The following CSNK2A2 variants were observed in gnomAD, a reference collection of about 807,000 sequenced individuals.
CSNK2A2 encodes casein kinase II subunit alpha'.
In CSNK2A2, 8 loss-of-function variants were observed where a neutral mutation model predicts 54.0. The ratio of observed to expected loss-of-function variants is 0.15; its 90% CI spans 0.09 to 0.27. The LOEUF is 0.27. Among genes scored for constraint, CSNK2A2 ranks in the 10% least tolerant of loss-of-function variants. The pLI is 1.00. For synonymous variants in CSNK2A2, 141 were observed against 153.9 expected (o/e 0.92, Z 0.62); for missense variants, 242 against 439.4 (o/e 0.55, Z 4.02).
At chr16:58,163,855 C>A in intron 11 of CSNK2A2, 199 bp downstream of exon 11, 1 of 468,128 alleles carries the variant, frequency 2.1e-6, no homozygotes, top group South Asian at 3.4e-5. Context: ...CTAGGTGCAT[C>A]CCCATGCTGC....
At chr16:58,194,151 A>C (rs1962378298) in intron 2 of CSNK2A2, among the ~76,000 whole-genome samples, 1 of 152,222 alleles carries the variant, frequency 6.6e-6, no homozygotes, top group African/African-American at 2.4e-5. Context: ...TATGTGCATA[A>C]TACAATCCTG....
intron 2 of CSNK2A2, among the ~76,000 whole-genome samples, chr16:58,196,070 A>G (rs543047259): frequency 4.9e-4 from 74 of 152,366 alleles, no homozygotes; most frequent in African/African-American, 1.7e-3. Flanking sequence ...AATAACATAC[A>G]GCATGCACCA....
chr16:58,164,830 T>C (rs930136604), intron 10 of CSNK2A2, among the ~76,000 whole-genome samples: 2 of 152,100 alleles, frequency 1.3e-5, no homozygotes, highest in African/African-American at 4.8e-5. Flanking sequence ...ATTTAGTTCA[T>C]CTCCAGAGGA....
intron 2 of CSNK2A2, among the ~76,000 whole-genome samples, chr16:58,188,537 C>G (rs929106000): frequency 6.6e-6 from 1 of 152,210 alleles, no homozygotes; most frequent in Admixed American, 6.5e-5. Flanking sequence ...ATGACTACAG[C>G]TGAATATCAT....
intron 5 of CSNK2A2, among the ~76,000 whole-genome samples, chr16:58,173,218 C>A (rs1183414811): frequency 2.6e-5 from 4 of 152,154 alleles, no homozygotes; most frequent in African/African-American, 4.8e-5. Context: ...CGACCTTTTT[C>A]GTGTTTCTGA....
rs1461860996 is a variant in CSNK2A2, at chr16:58,197,794, G to A, written c.-58C>T. The A allele has an allele frequency of 8.6e-5, 36 of 417,928 alleles. No homozygotes were observed. Among genetic ancestry groups the A allele is most frequent in the Non-Finnish European group, 1.1e-4 (36 of 314,260 alleles). 25.9% of individuals were successfully genotyped at this position (417,928 alleles called of 1,614,324 possible). ...AGAGGGTGGCGGCGGCGGCGCGGCGGGGGACGCGGGGCGTCGGGCGGAGGA... is the reference window on the plus strand; with the variant it reads ...AGAGGGTGGCGGCGGCGGCGCGGCGAGGGACGCGGGGCGTCGGGCGGAGGA... On this transcript the variant is annotated 5_prime_UTR_variant, in exon 1 of 12. Coordinates refer to ENST00000262506, the MANE Select transcript of CSNK2A2 (RefSeq NM_001896.4). The surrounding 1 kb of genome is among the most constrained non-coding windows in gnomAD (Gnocchi z 4.0).
At chr16:58,159,904 G>A (rs1314864949) in intron 11 of CSNK2A2, 1 of 151,840 alleles carries the variant, frequency 6.6e-6, no homozygotes, top group Admixed American at 6.6e-5. Context: ...ATTCAAAGTT[G>A]TTTTTTTTCT....
chr16:58,196,618 A>T, intron 2 of CSNK2A2, 115 bp downstream of exon 2: 1 of 760,012 alleles, frequency 1.3e-6, no homozygotes, highest in African/African-American at 1.7e-5. Flanking sequence ...CTCTAAACAA[A>T]TAAATTAAAT....
chr16:58,170,407 GT>G lies in CSNK2A2; in HGVS notation c.430-1715del, dbSNP rs540013095. ...ACTGTTTCTGAGATTCATCCAAGTTGTTTTTCCTTGCTGAGTAGTATTCCAC... is the reference window on the plus strand; with the variant it reads ...ACTGTTTCTGAGATTCATCCAAGTTGTTTTCCTTGCTGAGTAGTATTCCAC... On this transcript the variant is annotated intron_variant, in intron 5 of 11. Coordinates refer to ENST00000262506, the MANE Select transcript of CSNK2A2 (RefSeq NM_001896.4). Among the ~76,000 whole-genome samples, 74 of 152,148 alleles carry G rather than the reference GT, an allele frequency of 4.9e-4. 1 individual carries two copies. Among genetic ancestry groups the G allele is most frequent in the African/African-American group, 1.7e-3 (71 of 41,528 alleles).
intron 4 of CSNK2A2, among the ~76,000 whole-genome samples, chr16:58,176,656 C>T (rs778353295): frequency 1.3e-5 from 2 of 152,152 alleles, no homozygotes; most frequent in Non-Finnish European, 2.9e-5. Flanking sequence ...TTTGCTGCCT[C>T]CACTCTTCCC....
chr16:58,183,196 C>T (rs1962103269), intron 4 of CSNK2A2, among the ~76,000 whole-genome samples: 1 of 146,690 alleles, frequency 6.8e-6, no homozygotes, highest in Non-Finnish European at 1.5e-5. Context: ...CCCGTCTCTG[C>T]TAAAAAAAAT....
chr16:58,169,674 A>G (rs1961682674), intron 5 of CSNK2A2, among the ~76,000 whole-genome samples: 1 of 152,194 alleles, frequency 6.6e-6, no homozygotes, highest in South Asian at 2.1e-4. Flanking sequence ...TATTTTGTAC[A>G]TAAGGGTCCC....
intron 4 of CSNK2A2, among the ~76,000 whole-genome samples, chr16:58,179,543 G>GA (rs1961972492): frequency 6.6e-6 from 1 of 151,752 alleles, no homozygotes; most frequent in Non-Finnish European, 1.5e-5. Context: ...GGGACAGGGA[G>GA]AAAAATAACT....
intron 9 of CSNK2A2, 84 bp downstream of exon 9, chr16:58,166,500 A>AT: frequency 1.2e-6 from 1 of 869,554 alleles, no homozygotes; most frequent in Non-Finnish European, 1.9e-6. Context: ...TATAATCAGA[A>AT]TGGGAAAAGA....
At position 58,166,604 on chromosome 16, in the gene CSNK2A2, G is replaced by C. The variant is rs756627324; in HGVS notation, c.807C>G (p.His269Gln). The C allele has an allele frequency of 1.7e-5, 28 of 1,610,642 alleles. No individual in the cohort carries two copies. Among genetic ancestry groups the C allele is most frequent in the Non-Finnish European group, 2.4e-5 (28 of 1,177,008 alleles). The change falls in exon 9 of 12, where the codon CAC (histidine) becomes CAG (glutamine). Residue 269 changes from histidine (H) to glutamine (Q), a missense_variant. By Grantham distance (24) the His-to-Gln change is conservative (BLOSUM62 0). Around this residue, in one of 5 missense-constraint regions of CSNK2A2, gnomAD observed 81 missense variants for 135.0 expected, o/e 0.60. Coordinates refer to ENST00000262506, the MANE Select transcript of CSNK2A2 (RefSeq NM_001896.4). ...LKKYHIDLDPHFNDILGQHSR... is the reference protein window; with the variant it reads ...LKKYHIDLDPQFNDILGQHSR... ...CTTACTGTCCCAGGATATCGTTGAA[G>C]TGTGGATCTAGGTCTATGTGATACT...
chr16:58,182,869 T>C (rs1962093675), intron 4 of CSNK2A2, among the ~76,000 whole-genome samples: 8 of 152,206 alleles, frequency 5.3e-5, no homozygotes, highest in Admixed American at 5.2e-4. Context: ...TGCTACTGAA[T>C]GAAAAAATTT....
intron 5 of CSNK2A2, among the ~76,000 whole-genome samples, chr16:58,172,392 A>G (rs1306735596): frequency 6.6e-6 from 1 of 152,162 alleles, no homozygotes; most frequent in East Asian, 1.9e-4. Flanking sequence ...ACCTCCTTGA[A>G]TCTGAATCAG....
At chr16:58,161,383 T>C (rs1189115375) in intron 11 of CSNK2A2, 1 of 152,230 alleles carries the variant, frequency 6.6e-6, no homozygotes, top group Non-Finnish European at 1.5e-5. Flanking sequence ...ATTAAGTCCT[T>C]ATCATAGGCA....
In CSNK2A2 at chr16:58,166,733, T is replaced by C. The variant is rs768598573; in HGVS notation, c.727-49A>G. ...AAATCACTGAGCACAGAACACACCA[T>C]GAGCCCGTGAGGACACTGCACCAAG... On this transcript the variant is annotated intron_variant, in intron 8 of 11. Coordinates refer to ENST00000262506, the MANE Select transcript of CSNK2A2 (RefSeq NM_001896.4). The C allele has an allele frequency of 5.4e-6, 7 of 1,302,882 alleles. No homozygotes were observed. In the Admixed American group the frequency reaches 1.2e-4, roughly 22 times the overall value. 80.7% of individuals were successfully genotyped at this position (1,302,882 alleles called of 1,614,324 possible). A position where few individuals can be genotyped will look rare whatever the true frequency, so the allele number is the denominator to read the frequency against.
Sources: gnomAD v4.1 joint callset for allele counts (sites outside exome capture counted in the v4.1 genomes callset) on GRCh38, gnomAD v4.1.1 for gene constraint, gnomAD v4.1.1 regional missense constraint, Gnocchi (gnomAD v3.1) non-coding constraint, MANE v1.5 for transcripts, NCBI Gene and HGNC (gene_info 2026-07-23, HGNC 2026-07-21) for gene names.